CDC42BPB: variants seen among roughly 807,000 people sequenced by gnomAD.
CDC42BPB encodes the protein serine/threonine-protein kinase MRCK beta.
CDC42BPB carries 37 observed loss-of-function variants against 214.9 expected under a neutral mutation model. The ratio of observed to expected loss-of-function variants is 0.17; its 90% CI spans 0.13 to 0.23. The LOEUF is 0.23. Among genes scored for constraint, CDC42BPB ranks in the 10% least tolerant of loss-of-function variants. The probability of loss-of-function intolerance (pLI) is 1.00; values close to 1 mark genes in which losing one functional copy is unlikely to be tolerated. For synonymous variants in CDC42BPB, 931 were observed against 884.0 expected (o/e 1.05, Z -0.94); for missense variants, 1,694 against 2,227.0 (o/e 0.76, Z 4.82).
At chr14:102,999,434 G>A (rs1439523730) in intron 5 of CDC42BPB, 131 bp downstream of exon 5, 2 of 797,526 alleles carry the variant, frequency 2.5e-6, no homozygotes, top group Admixed American at 2.1e-5. Context: ...AAATCAGTCT[G>A]TGCTGCGGCA....
At chr14:103,031,318 T>C (rs1017136697) in intron 1 of CDC42BPB, among the ~76,000 whole-genome samples, 3 of 152,122 alleles carry the variant, frequency 2.0e-5, no homozygotes, top group East Asian at 1.9e-4. Context: ...ATGAAAGTAA[T>C]TGGTAAGCCA....
At chr14:103,009,181 C>G (rs1014141925) in intron 2 of CDC42BPB, among the ~76,000 whole-genome samples, 1 of 152,238 alleles carries the variant, frequency 6.6e-6, no homozygotes, top group Non-Finnish European at 1.5e-5. Flanking sequence ...CAATGGCAAG[C>G]AGCCAGCATG....
chr14:103,010,799 A>C (rs1280222305), intron 2 of CDC42BPB, among the ~76,000 whole-genome samples: 1 of 152,052 alleles, frequency 6.6e-6, no homozygotes, highest in African/African-American at 2.4e-5. Flanking sequence ...TGGGAGGCTG[A>C]GATGGGCGGA....
chr14:102,983,200 G>C (rs561289248), intron 7 of CDC42BPB, among the ~76,000 whole-genome samples: 69 of 152,212 alleles, frequency 4.5e-4, no homozygotes, highest in African/African-American at 1.6e-3. Flanking sequence ...CTACCCCCGG[G>C]CGCCTCACTC....
chr14:103,054,715 A>G (rs752037487), intron 1 of CDC42BPB, among the ~76,000 whole-genome samples: 1 of 152,236 alleles, frequency 6.6e-6, no homozygotes, highest in Non-Finnish European at 1.5e-5. Flanking sequence ...CCTATAATTG[A>G]AAGTTTATAC....
intron 20 of CDC42BPB, among the ~76,000 whole-genome samples, chr14:102,962,372 T>C (rs962523489): frequency 6.6e-6 from 1 of 152,224 alleles, no homozygotes; most frequent in Non-Finnish European, 1.5e-5. Flanking sequence ...CTGGCAGCAC[T>C]TTCTGTGACA....
chr14:102,978,876 A>G (rs1459459211), intron 8 of CDC42BPB, among the ~76,000 whole-genome samples: 2 of 152,116 alleles, frequency 1.3e-5, no homozygotes, highest in Non-Finnish European at 2.9e-5. Context: ...ATGTGGCAGC[A>G]CGTGCCTGTA....
intron 5 of CDC42BPB, among the ~76,000 whole-genome samples, chr14:102,997,451 G>A (rs1294157972): frequency 3.3e-5 from 5 of 152,108 alleles, no homozygotes; most frequent in Non-Finnish European, 4.4e-5. Context: ...TGAACGGCTC[G>A]GAAAAGCTGG....
chr14:102,950,542 G>A lies in CDC42BPB; in HGVS notation c.3233C>T (p.Pro1078Leu), dbSNP rs1892440883. 1 of 1,612,180 alleles carries A rather than the reference G, an allele frequency of 6.2e-7. No individual in the cohort carries two copies. The highest frequency in any genetic ancestry group is 8.5e-7 in the Non-Finnish European group (1 of 1,179,390). ...KDGAPQVCPI[P>L]PEQSKRPLGV... ...CAGAGGCCTCTTGGACTGCTCGGGA[G>A]GTATTGGGCACACCTGGGGGGCACC... The change falls in exon 25 of 37, where the codon CCT (proline) becomes CTT (leucine). Residue 1078 changes from proline (P) to leucine (L), a missense_variant. Transcript: ENST00000361246.
intron 1 of CDC42BPB, among the ~76,000 whole-genome samples, chr14:103,017,497 T>A (rs1160487735): frequency 6.6e-6 from 1 of 151,962 alleles, no homozygotes; most frequent in Non-Finnish European, 1.5e-5. Context: ...AGACATCACC[T>A]GAAATCAAGC....
intron 7 of CDC42BPB, among the ~76,000 whole-genome samples, chr14:102,983,185 A>C (rs774603300): frequency 1.3e-5 from 2 of 152,014 alleles, no homozygotes; most frequent in Non-Finnish European, 2.9e-5. Context: ...GGACCTCCCC[A>C]CTGGCTACCC....
chr14:103,034,853 G>T (rs954152020), intron 1 of CDC42BPB, among the ~76,000 whole-genome samples: 13 of 151,504 alleles, frequency 8.6e-5, no homozygotes, highest in African/African-American at 3.1e-4. Flanking sequence ...AAGGGATGTA[G>T]AGGGGACTAT....
Position 102,971,928 on chromosome 14 carries a change from G to A in CDC42BPB, c.1875C>T (p.Leu625=), listed in dbSNP as rs764558055. The A allele has an allele frequency of 7.4e-6, 12 of 1,613,984 alleles. No homozygotes were observed. The highest frequency in any genetic ancestry group is 9.3e-6 in the Non-Finnish European group (11 of 1,179,996). ...CCATCTCCACAGCTACCTCTTTCCTGAGCTTCTCAGCTCTCCGCATTTCCT... is the reference window on the plus strand; with the variant it reads ...CCATCTCCACAGCTACCTCTTTCCTAAGCTTCTCAGCTCTCCGCATTTCCT... ...MRQEMRRAEK[L]RKELEAQLDD... The change falls in exon 13 of 37, where the codon CTC becomes CTT. Residue 625 remains leucine, a synonymous_variant. Transcript: ENST00000361246.
At chr14:103,044,438 C>T (rs1249000592) in intron 1 of CDC42BPB, among the ~76,000 whole-genome samples, 11 of 149,344 alleles carry the variant, frequency 7.4e-5, no homozygotes, top group African/African-American at 2.7e-4. Flanking sequence ...GGTGCAATCT[C>T]AGCTCACTGC....
Position 102,933,539 on chromosome 14 carries a change from G to A in CDC42BPB, c.*173C>T, listed in dbSNP as rs959110113. The A allele has an allele frequency of 2.0e-5, 11 of 543,956 alleles. No individual in the cohort carries two copies. Among genetic ancestry groups the A allele is most frequent in the Middle Eastern group, 9.3e-4 (2 of 2,148 alleles). 33.7% of individuals were successfully genotyped at this position (543,956 alleles called of 1,614,324 possible). ...ACGAACAGATGTGGTCTACTGCCAC[G>A]AACAATGCGGCATAAAACTGATCAA... On this transcript the variant is annotated 3_prime_UTR_variant, in exon 37 of 37. Coordinates refer to ENST00000361246, the MANE Select transcript of CDC42BPB (RefSeq NM_006035.4).
intron 14 of CDC42BPB, 33 bp from the exon 15 acceptor site, chr14:102,968,749 C>G (rs1893338104): frequency 6.2e-7 from 1 of 1,608,902 alleles, no homozygotes; most frequent in Admixed American, 1.7e-5. Flanking sequence ...ATTGACAAAC[C>G]TCTGTGTCCT....
intron 17 of CDC42BPB, 198 bp from the exon 18 acceptor site, chr14:102,966,585 A>G (rs1893213748): frequency 1.1e-6 from 1 of 889,516 alleles, no homozygotes; most frequent in Non-Finnish European, 1.3e-6. Flanking sequence ...GCAGTTTAAA[A>G]AGACACCAAA....
At chr14:103,048,532 CAAAAA>C (rs71119751) in intron 1 of CDC42BPB, among the ~76,000 whole-genome samples, 32 of 42,660 alleles carry the variant, frequency 7.5e-4, no homozygotes, top group South Asian at 1.5e-3. Context: ...ACTAAAAATA[CAAAAA>C]AAAAAAAAAA....
intron 1 of CDC42BPB, among the ~76,000 whole-genome samples, chr14:103,049,925 C>G (rs1413485182): frequency 6.6e-6 from 1 of 152,146 alleles, no homozygotes; most frequent in African/African-American, 2.4e-5. Context: ...GTTGGCCAGG[C>G]TGGTCTTGAA....
Sources: allele counts gnomAD v4.1 joint callset (sites outside exome capture counted in the v4.1 genomes callset), GRCh38; gene constraint gnomAD v4.1.1; transcripts MANE v1.5; gene names NCBI Gene and HGNC (gene_info 2026-07-23, HGNC 2026-07-21).